The following PYGB variants were observed in gnomAD, a reference collection of about 807,000 sequenced individuals.
PYGB encodes glycogen phosphorylase, brain form.
Under a neutral mutation model 94.3 loss-of-function variants are expected in PYGB, and 82 were observed. The ratio of observed to expected loss-of-function variants is 0.87; its 90% CI spans 0.73 to 1.04. The LOEUF is 1.04. Among genes scored for constraint, PYGB ranks in the 50% least tolerant of loss-of-function variants. The probability of loss-of-function intolerance (pLI) is 0.00; values close to 1 mark genes in which losing one functional copy is unlikely to be tolerated. For synonymous variants in PYGB, 488 were observed against 479.1 expected (o/e 1.02, Z -0.24); for missense variants, 1,132 against 1,158.2 (o/e 0.98, Z 0.33).
chr20:25,290,957 C>T (rs2088461873), intron 16 of PYGB, among the ~76,000 whole-genome samples: 1 of 152,082 alleles, frequency 6.6e-6, no homozygotes, highest in African/African-American at 2.4e-5. Flanking sequence ...CCCTGGGCCC[C>T]TCTGCTGGCA....
chr20:25,248,686 T>TGAGCCCGGGAGCCTGGCGGAC (rs572827070), intron 1 of PYGB, among the ~76,000 whole-genome samples: 9,804 of 152,118 alleles, frequency 0.064, 980 homozygotes, highest in African/African-American at 0.22. Flanking sequence ...CAGATGATGC[T>TGAGCCCGGGAGCCTGGCGGAC]GAGCCCGGGA....
At chr20:25,284,338 G>C in intron 14 of PYGB, 87 bp downstream of exon 14, 2 of 1,514,026 alleles carry the variant, frequency 1.3e-6, no homozygotes, top group South Asian at 2.5e-5. Context: ...CTGGGCCTCT[G>C]TCATGGTGGG....
chr20:25,267,534 A>G (rs1230420957), intron 2 of PYGB, among the ~76,000 whole-genome samples: 2 of 150,740 alleles, frequency 1.3e-5, no homozygotes, highest in African/African-American at 4.9e-5. Flanking sequence ...TTTTTGTGTC[A>G]TTGTTGTTGT....
At chr20:25,263,007 A>T (rs2123530042) in intron 2 of PYGB, among the ~76,000 whole-genome samples, 1 of 152,308 alleles carries the variant, frequency 6.6e-6, no homozygotes, top group Admixed American at 6.5e-5. Context: ...ACTCCCACAC[A>T]ATAATAATGG....
At chr20:25,252,712 G>A (rs887664592) in intron 1 of PYGB, among the ~76,000 whole-genome samples, 7 of 152,240 alleles carry the variant, frequency 4.6e-5, no homozygotes, top group African/African-American at 1.7e-4. Context: ...CTCTGCAGGT[G>A]CCACTGTCCC....
Position 25,290,635 on chromosome 20 carries a change from G to A in PYGB, c.1969+13G>A, listed in dbSNP as rs762994606. ...TTGGCTGAGAAAGGTAACCCTGGAA[G>A]CCTGTGTTGGACAGAAAACTCACTC... On this transcript the variant is annotated intron_variant, in intron 16 of 19. Coordinates refer to ENST00000216962, the MANE Select transcript of PYGB (RefSeq NM_002862.4). 3.1e-6 allele frequency: 5 copies of A among 1,592,512 alleles called. No individual in the cohort carries two copies. The Admixed American group carries it at 5.0e-5, about 16-fold the overall frequency.
At chr20:25,286,002 C>T (rs988422378) in intron 14 of PYGB, among the ~76,000 whole-genome samples, 1 of 152,230 alleles carries the variant, frequency 6.6e-6, no homozygotes, top group African/African-American at 2.4e-5. Context: ...AACTCCACTT[C>T]CTTCCCCCAG....
At chr20:25,254,025 T>C (rs2092895874) in intron 1 of PYGB, among the ~76,000 whole-genome samples, 1 of 148,646 alleles carries the variant, frequency 6.7e-6, no homozygotes, top group Non-Finnish European at 1.5e-5. Context: ...TGAGCTGAGA[T>C]CACGCCACTG....
In PYGB at chr20:25,296,257, G is replaced by A; in HGVS notation, c.2380-113G>A. On this transcript the variant is annotated intron_variant, in intron 19 of 19. Transcript: ENST00000216962. Reference sequence around the variant, plus strand: ...GTAATGTCCTCCTCTTCCAGCGGATGGCCCCAAGGCTCGGAGCTCATTTGG... The same window carrying A: ...GTAATGTCCTCCTCTTCCAGCGGATAGCCCCAAGGCTCGGAGCTCATTTGG... The A allele has an allele frequency of 6.9e-6, 9 of 1,311,320 alleles. No individual in the cohort carries two copies. The South Asian group carries it at 1.0e-4, about 15-fold the overall frequency. The allele number at this position is 1,311,320 out of a possible 1,614,324, so 81.2% of individuals were successfully genotyped here. A position where few individuals can be genotyped will look rare whatever the true frequency, so the allele number is the denominator to read the frequency against.
chr20:25,278,953 G>A, intron 8 of PYGB, 104 bp from the exon 9 acceptor site: 1 of 1,102,436 alleles, frequency 9.1e-7, no homozygotes, highest in Non-Finnish European at 1.3e-6. Context: ...CGGGGGTGGG[G>A]TGGGCTGGGC....
intron 13 of PYGB, 117 bp downstream of exon 13, chr20:25,283,394 T>C: frequency 1.2e-6 from 1 of 845,614 alleles, no homozygotes; most frequent in African/African-American, 1.7e-5. Flanking sequence ...ACTGGGGCTT[T>C]AGTGGGGACT....
chr20:25,294,177 T>C lies in PYGB; in HGVS notation c.2197T>C (p.Tyr733His), dbSNP rs1172491543. Residue 733 changes from tyrosine to histidine, a missense_variant, in exon 18 of 20, where the codon TAC becomes CAC. Coordinates refer to ENST00000216962, the MANE Select transcript of PYGB (RefSeq NM_002862.4). ...DRKGYNAREYYDHLPELKQAV... is the reference protein window; with the variant it reads ...DRKGYNAREYHDHLPELKQAV... The stretch of plus-strand genomic sequence containing the variant: ...TCACAGGTACAATGCCAGGGAGTAC[T>C]ACGACCACCTGCCCGAGCTGAAGCA... The C allele has an allele frequency of 1.2e-6, 2 of 1,613,868 alleles. No homozygotes were observed. Among genetic ancestry groups the C allele is most frequent in the Non-Finnish European group, 8.5e-7 (1 of 1,180,016 alleles).
chr20:25,274,490 A>G, intron 4 of PYGB, 102 bp from the exon 5 acceptor site: 1 of 1,447,636 alleles, frequency 6.9e-7, no homozygotes, highest in South Asian at 1.4e-5. Flanking sequence ...TTTCAGTGCC[A>G]GGCACTGTGT....
intron 2 of PYGB, among the ~76,000 whole-genome samples, chr20:25,262,766 G>A (rs959105964): frequency 6.6e-6 from 1 of 151,980 alleles, no homozygotes; most frequent in African/African-American, 2.4e-5. Flanking sequence ...AAGGGATGGA[G>A]GAAGATCTAC....
chr20:25,270,197 T>TTTGTTTGTTTTTTTTTTTTTTTAGA (rs1555806370), intron 3 of PYGB, among the ~76,000 whole-genome samples: 1 of 130,998 alleles, frequency 7.6e-6, no homozygotes, highest in Non-Finnish European at 1.5e-5. Flanking sequence ...GTTTTTTTTG[T>TTTGTTTGTTTTTTTTTTTTTTTAGA]TTTGTTTTGT....
chr20:25,277,084 C>T (rs562979188), intron 6 of PYGB, among the ~76,000 whole-genome samples, 160 bp from the exon 7 acceptor site: 2 of 152,052 alleles, frequency 1.3e-5, no homozygotes, highest in South Asian at 2.1e-4. Context: ...GGAGGGATCA[C>T]GTTTACCTCC....
chr20:25,283,245 G>T lies in PYGB; in HGVS notation c.1588G>T (p.Val530Leu), dbSNP rs1191974152. ...GCTGCTGCCGCTGGTCAGTGACGAG[G>T]TGTTCATCAGGGACGTGGCCAAGGT... is the stretch of plus-strand genomic sequence containing the variant. The part of the protein sequence containing the change: ...KKLLPLVSDE[V>L]FIRDVAKVKQ... Residue 530 changes from valine (V) to leucine (L), a missense_variant, in exon 13 of 20, where the codon GTG (valine) becomes TTG (leucine). By Grantham distance (32) the Val-to-Leu change is conservative. Transcript: ENST00000216962. The T allele has an allele frequency of 6.2e-7, 1 of 1,613,844 alleles. No homozygotes were observed. The highest frequency in any genetic ancestry group is 8.5e-7 in the Non-Finnish European group (1 of 1,179,890).
intron 7 of PYGB, 104 bp from the exon 8 acceptor site, chr20:25,278,215 T>C: frequency 7.6e-7 from 1 of 1,311,502 alleles, no homozygotes; most frequent in South Asian, 1.6e-5. Flanking sequence ...GCTGGGCTCC[T>C]CTCGGCCTTC....
intron 11 of PYGB, 116 bp downstream of exon 11, chr20:25,281,228 G>A: frequency 3.7e-6 from 5 of 1,354,036 alleles, no homozygotes; most frequent in Non-Finnish European, 3.0e-6. Context: ...GTGCCACTAG[G>A]CCCCTGCCTC....
Sources: gnomAD v4.1 joint callset for allele counts (sites outside exome capture counted in the v4.1 genomes callset) on GRCh38, gnomAD v4.1.1 for gene constraint, MANE v1.5 for transcripts, NCBI Gene and HGNC (gene_info 2026-07-23, HGNC 2026-07-21) for gene names.